The following KSR2 variants were observed in gnomAD, a reference collection of about 807,000 sequenced individuals.
KSR2 encodes kinase suppressor of ras 2.
KSR2 carries 25 observed loss-of-function variants against 107.8 expected under a neutral mutation model. That is an observed-to-expected ratio of 0.23 (90% CI 0.17 to 0.32). The LOEUF (loss-of-function observed/expected upper bound fraction) is 0.32. KSR2 is among the 10% of genes least tolerant of loss of function. KSR2 has a pLI of 1.00. For synonymous variants in KSR2, 480 were observed against 507.0 expected, an observed-to-expected ratio of 0.95 and a Z score of 0.71; for missense variants, 887 against 1,268.9, an observed-to-expected ratio of 0.70 and a Z score of 4.57.
At position 117,761,396 on chromosome 12, in the gene KSR2, C is replaced by T. The variant is rs377431352; in HGVS notation, c.601G>A (p.Val201Ile). Residue 201 changes from valine (V) to isoleucine (I), a missense_variant, in exon 4 of 20, where the codon GTC becomes ATC. This residue lies in a region of KSR2 where 399 missense variants were observed against 479.5 expected (regional missense o/e 0.83). Coordinates refer to ENST00000339824, the MANE Select transcript of KSR2 (RefSeq NM_173598.6). ...IRTHLSQSPR[V>I]PSKCVQHYCH... ...TAGTGCTGGACGCACTTGGACGGGACCCTGGGGCTCTGGGAGAGATGGGTG... is the reference window on the plus strand; with the variant it reads ...TAGTGCTGGACGCACTTGGACGGGATCCTGGGGCTCTGGGAGAGATGGGTG... 61 of 1,608,068 alleles carry T rather than the reference C, an allele frequency of 3.8e-5. No homozygotes were observed. In the South Asian group the frequency reaches 6.2e-4, roughly 16 times the overall value.
chr12:117,578,601 CAAAAAAAAA>C (rs66919524), intron 7 of KSR2, among the ~76,000 whole-genome samples: 7,814 of 103,998 alleles, frequency 0.075, 474 homozygotes, highest in East Asian at 0.28. Context: ...GACTCCATCT[CAAAAAAAAA>C]AAAAAAAAAA....
At chr12:117,734,660 A>G (rs1331957858) in intron 4 of KSR2, among the ~76,000 whole-genome samples, 1 of 152,122 alleles carries the variant, frequency 6.6e-6, no homozygotes, top group African/African-American at 2.4e-5. Context: ...AGGCAGGGTC[A>G]TTTGCTCACC....
chr12:117,488,700 CTT>C (rs71099056), intron 14 of KSR2, among the ~76,000 whole-genome samples: 62 of 144,590 alleles, frequency 4.3e-4, no homozygotes, highest in Non-Finnish European at 3.6e-4. Flanking sequence ...TTTCTTTTTT[CTT>C]TTTTTTTTTT....
At chr12:117,903,579 A>T (rs183014830) in intron 1 of KSR2, among the ~76,000 whole-genome samples, 1 of 152,258 alleles carries the variant, frequency 6.6e-6, no homozygotes, top group African/African-American at 2.4e-5. Context: ...CAAATATCCC[A>T]GTCAAACCTC....
intron 4 of KSR2, among the ~76,000 whole-genome samples, chr12:117,747,267 A>C (rs1230293993): frequency 6.6e-6 from 1 of 152,180 alleles, no homozygotes; most frequent in Admixed American, 6.5e-5. Context: ...GAAGAATGAG[A>C]TCATGTCCTT....
At position 117,521,331 on chromosome 12, in the gene KSR2, C is replaced by G. The variant is rs12316746; in HGVS notation, c.2219+3521G>C. On this transcript the variant is annotated intron_variant, in intron 14 of 19. Coordinates refer to ENST00000339824, the MANE Select transcript of KSR2 (RefSeq NM_173598.6). ...GGCAGGACACTGCAAGAAACATCCG[C>G]TTCCACCTGCTCATTTTACAGAAGG... Among the ~76,000 whole-genome samples, 554 of 152,330 alleles carry G rather than the reference C, an allele frequency of 3.6e-3. 4 individuals carry two copies. The highest frequency in any genetic ancestry group is 0.013 in the African/African-American group (526 of 41,574).
chr12:117,850,622 A>T (rs1163680083), intron 3 of KSR2, among the ~76,000 whole-genome samples: 1 of 152,146 alleles, frequency 6.6e-6, no homozygotes, highest in Non-Finnish European at 1.5e-5. Flanking sequence ...AGCTGGAGCA[A>T]CATGACAAAA....
chr12:117,820,583 G>A (rs1891531133), intron 3 of KSR2, among the ~76,000 whole-genome samples: 1 of 152,156 alleles, frequency 6.6e-6, no homozygotes, highest in African/African-American at 2.4e-5. Context: ...AGGAGGAAAA[G>A]GAAGAAATAG....
intron 18 of KSR2, among the ~76,000 whole-genome samples, 198 bp from the exon 19 acceptor site, chr12:117,469,993 C>T (rs952171910): frequency 1.3e-5 from 2 of 151,124 alleles, no homozygotes; most frequent in Non-Finnish European, 2.9e-5. Flanking sequence ...ATTCACTCTT[C>T]CATCCTTCAT....
At chr12:117,557,827 G>A (rs900301364) in intron 8 of KSR2, among the ~76,000 whole-genome samples, 5 of 152,164 alleles carry the variant, frequency 3.3e-5, no homozygotes, top group African/African-American at 1.2e-4. Flanking sequence ...ACCCCATAGG[G>A]CAAAGATCAG....
At position 117,584,785 on chromosome 12, in the gene KSR2, T is replaced by C. The variant is rs900310605; in HGVS notation, c.1172-2426A>G. Among the ~76,000 whole-genome samples, 11 of 152,234 alleles carry C rather than the reference T, an allele frequency of 7.2e-5. No individual in the cohort carries two copies. The East Asian group carries it at 7.7e-4, about 11-fold the overall frequency. ...TCAGTAGGTGCTAGGGATTATGCTA[T>C]GCATTTTATACCTGGAAGCTATCCC... On this transcript the variant is annotated intron_variant, in intron 5 of 19. Transcript: ENST00000339824.
chr12:117,540,868 T>C (rs930029386), intron 9 of KSR2, among the ~76,000 whole-genome samples: 1 of 152,248 alleles, frequency 6.6e-6, no homozygotes, highest in Non-Finnish European at 1.5e-5. Flanking sequence ...TCTGTTGTTT[T>C]AGCCACCCAG....
chr12:117,696,105 C>T (rs1481800785), intron 4 of KSR2, among the ~76,000 whole-genome samples: 1 of 152,132 alleles, frequency 6.6e-6, no homozygotes, highest in African/African-American at 2.4e-5. Context: ...TCAGGACTCC[C>T]CAAGTACCAA....
At chr12:117,740,245 C>T (rs1452474872) in intron 4 of KSR2, among the ~76,000 whole-genome samples, 6 of 148,956 alleles carry the variant, frequency 4.0e-5, no homozygotes, top group African/African-American at 7.4e-5. Flanking sequence ...CAGGTTGCTG[C>T]GAATGCCATT....
intron 3 of KSR2, among the ~76,000 whole-genome samples, chr12:117,835,790 T>G (rs1045628159): frequency 2.0e-5 from 3 of 151,938 alleles, no homozygotes; most frequent in Non-Finnish European, 4.4e-5. Flanking sequence ...CAGCCCCAAA[T>G]GTCAACAGTG....
chr12:117,744,086 G>A (rs192686279), intron 4 of KSR2, among the ~76,000 whole-genome samples: 8 of 152,248 alleles, frequency 5.3e-5, no homozygotes, highest in African/African-American at 1.9e-4. Flanking sequence ...TTTCTGTGCT[G>A]TCTAGTTGGC....
chr12:117,542,125 G>A (rs546755295), intron 9 of KSR2, among the ~76,000 whole-genome samples: 22 of 151,926 alleles, frequency 1.4e-4, no homozygotes, highest in Admixed American at 3.9e-4. Flanking sequence ...GGGCTCATGC[G>A]ATCTGATCCT....
In KSR2 at chr12:117,528,769, C is replaced by T. The variant is rs181270042; in HGVS notation, c.1803-1650G>A. ...TCCTCATGCCCAAAACCAAAACAGGCCACCCTCCTCTCTGCATCAAGGCGT... is the reference window on the plus strand; with the variant it reads ...TCCTCATGCCCAAAACCAAAACAGGTCACCCTCCTCTCTGCATCAAGGCGT... On this transcript the variant is annotated intron_variant, in intron 12 of 19. Transcript: ENST00000339824. Among the ~76,000 whole-genome samples the T allele has an allele frequency of 1.1e-4, 17 of 152,296 alleles. No homozygotes were observed. In the East Asian group the frequency reaches 3.3e-3, roughly 29 times the overall value.
intron 17 of KSR2, among the ~76,000 whole-genome samples, 187 bp downstream of exon 17, chr12:117,476,277 A>G (rs1460648259): frequency 6.6e-6 from 1 of 152,146 alleles, no homozygotes; most frequent in African/African-American, 2.4e-5. Context: ...GAAACCAGAC[A>G]CACACGTTTG....
Sources: gnomAD v4.1 joint callset for allele counts (sites outside exome capture counted in the v4.1 genomes callset) on GRCh38, gnomAD v4.1.1 for gene constraint, gnomAD v4.1.1 regional missense constraint, MANE v1.5 for transcripts, NCBI Gene and HGNC (gene_info 2026-07-23, HGNC 2026-07-21) for gene names.